WWOX: variants seen among roughly 807,000 people sequenced by gnomAD.
WWOX encodes WW domain containing oxidoreductase.
Under a neutral mutation model 46.2 loss-of-function variants are expected in WWOX, and 69 were observed. The ratio of observed to expected loss-of-function variants is 1.49; its 90% confidence interval spans 1.23 to 1.82. The LOEUF (loss-of-function observed/expected upper bound fraction) is 1.82, where lower values mean the gene tolerates loss of function less well. Among genes scored for constraint, WWOX ranks in the 40% most tolerant of loss-of-function variants. The pLI is 0.00. For missense variants in WWOX, 919 were observed against 542.6 expected, an observed-to-expected ratio of 1.69 and a Z score of -6.89; for synonymous variants, 359 against 202.6, an observed-to-expected ratio of 1.77 and a Z score of -6.56.
intron 7 of WWOX, among the ~76,000 whole-genome samples, chr16:78,426,548 G>C (rs1222360362): frequency 6.6e-6 from 1 of 152,180 alleles, no homozygotes; most frequent in Non-Finnish European, 1.5e-5. Context: ...TCTTGAATTA[G>C]ACCTATGTTA....
intron 4 of WWOX, among the ~76,000 whole-genome samples, chr16:78,163,503 AC>A (rs1229964630): frequency 6.6e-6 from 1 of 152,202 alleles, no homozygotes; most frequent in Non-Finnish European, 1.5e-5. Flanking sequence ...CAGGCTTCCA[AC>A]CACTATGTTT....
At chr16:78,138,361 C>G (rs931715346) in intron 4 of WWOX, among the ~76,000 whole-genome samples, 4 of 138,344 alleles carry the variant, frequency 2.9e-5, no homozygotes, top group Non-Finnish European at 4.9e-5. Flanking sequence ...TTTTATAATG[C>G]TTCAGGAGAA....
At chr16:78,286,384 C>T (rs1041985803) in intron 5 of WWOX, among the ~76,000 whole-genome samples, 1 of 152,144 alleles carries the variant, frequency 6.6e-6, no homozygotes, top group African/African-American at 2.4e-5. Context: ...GGTTGTCCCC[C>T]CCTTTTACTT....
intron 5 of WWOX, among the ~76,000 whole-genome samples, chr16:78,173,403 C>G (rs2035226166): frequency 6.6e-6 from 1 of 151,974 alleles, no homozygotes; most frequent in Non-Finnish European, 1.5e-5. Context: ...ATCCTCCCAT[C>G]TCTGCCTCCT....
intron 8 of WWOX, among the ~76,000 whole-genome samples, chr16:79,077,721 G>C (rs1433927632): frequency 6.6e-6 from 1 of 151,032 alleles, no homozygotes; most frequent in African/African-American, 2.4e-5. Flanking sequence ...GTGTGTTGGT[G>C]TAAGAAATAA....
chr16:78,468,913 C>A (rs2084152450), intron 8 of WWOX, among the ~76,000 whole-genome samples: 1 of 152,156 alleles, frequency 6.6e-6, no homozygotes. Context: ...ACCTGTAACC[C>A]CCTCTACCCC....
intron 8 of WWOX, among the ~76,000 whole-genome samples, chr16:78,502,228 G>A (rs1419926925): frequency 6.6e-6 from 1 of 152,052 alleles, no homozygotes; most frequent in Non-Finnish European, 1.5e-5. Context: ...TCTGCTTAAG[G>A]TGTACAATTC....
chr16:78,207,544 G>C (rs1044662075), intron 5 of WWOX, among the ~76,000 whole-genome samples: 4 of 149,330 alleles, frequency 2.7e-5, no homozygotes, highest in African/African-American at 9.8e-5. Flanking sequence ...GATTAAAGTA[G>C]CTTCTCATTT....
intron 8 of WWOX, among the ~76,000 whole-genome samples, chr16:79,168,425 A>G (rs1003680614): frequency 6.6e-6 from 1 of 152,140 alleles, no homozygotes; most frequent in South Asian, 2.1e-4. Context: ...AGAGTTAAGG[A>G]GTGTTCTCAG....
intron 2 of WWOX, among the ~76,000 whole-genome samples, chr16:78,109,332 T>C (rs1432274305): frequency 6.6e-6 from 1 of 151,618 alleles, no homozygotes; most frequent in Non-Finnish European, 1.5e-5. Flanking sequence ...AAAAAAAATA[T>C]GAGAAGGTTC....
At chr16:78,565,848 G>C (rs1195086285) in intron 8 of WWOX, among the ~76,000 whole-genome samples, 1 of 151,988 alleles carries the variant, frequency 6.6e-6, no homozygotes, top group African/African-American at 2.4e-5. Flanking sequence ...AGCTGTCCCA[G>C]CTCCATCTCT....
Position 78,680,168 on chromosome 16 carries a change from G to A in WWOX, c.1056+247416G>A, listed in dbSNP as rs566016308. ...CTCACGCCTGTAATCCCAGCACTGA[G>A]GGAGGCTGAGGCTGGTGGATAGCTT... is the stretch of plus-strand genomic sequence containing the variant. On this transcript the variant is annotated intron_variant, in intron 8 of 8. Transcript: ENST00000566780. Among the ~76,000 whole-genome samples, 3 of 152,332 alleles carry A rather than the reference G, an allele frequency of 2.0e-5. No individual in the cohort carries two copies. The East Asian group carries it at 5.8e-4, about 29-fold the overall frequency.
At chr16:79,152,909 G>T (rs749788686) in intron 8 of WWOX, among the ~76,000 whole-genome samples, 52 of 152,176 alleles carry the variant, frequency 3.4e-4, no homozygotes, top group Admixed American at 3.1e-3. Flanking sequence ...AGGGATAGAA[G>T]TGGGCTCCGG....
chr16:79,173,327 A>G (rs1379411089), intron 8 of WWOX, among the ~76,000 whole-genome samples: 1 of 151,912 alleles, frequency 6.6e-6, no homozygotes, highest in Non-Finnish European at 1.5e-5. Flanking sequence ...ACGTAAAAAC[A>G]CTTTGTATGT....
chr16:78,135,531 C>A (rs2033758888), intron 4 of WWOX, among the ~76,000 whole-genome samples: 2 of 152,136 alleles, frequency 1.3e-5, no homozygotes, highest in African/African-American at 4.8e-5. Flanking sequence ...TTACTGACTT[C>A]TGCACATTTA....
intron 5 of WWOX, among the ~76,000 whole-genome samples, chr16:78,183,834 T>C (rs1263904667): frequency 6.6e-6 from 1 of 152,220 alleles, no homozygotes; most frequent in Non-Finnish European, 1.5e-5. Context: ...TGTGTCATTT[T>C]CAAACAAAGC....
intron 5 of WWOX, among the ~76,000 whole-genome samples, chr16:78,232,801 A>T (rs957897063): frequency 6.6e-6 from 1 of 152,096 alleles, no homozygotes; most frequent in Non-Finnish European, 1.5e-5. Flanking sequence ...TCAAGAAATT[A>T]AAAAGGAATG....
chr16:79,178,774 T>C (rs1348042978), intron 8 of WWOX, among the ~76,000 whole-genome samples: 3 of 152,232 alleles, frequency 2.0e-5, no homozygotes, highest in Non-Finnish European at 4.4e-5. Flanking sequence ...GGTCGACTAA[T>C]TTTATGACAG....
intron 8 of WWOX, among the ~76,000 whole-genome samples, chr16:79,141,388 C>T (rs1205171307): frequency 6.6e-6 from 1 of 152,192 alleles, no homozygotes; most frequent in African/African-American, 2.4e-5. Flanking sequence ...ATCAGGCCCT[C>T]CTGAGGCTGT....
Sources: allele counts gnomAD v4.1 joint callset (sites outside exome capture counted in the v4.1 genomes callset), GRCh38; gene constraint gnomAD v4.1.1; transcripts MANE v1.5; gene names NCBI Gene and HGNC (gene_info 2026-07-23, HGNC 2026-07-21).